PRKG1: variants seen among roughly 807,000 people sequenced by gnomAD.
PRKG1 encodes the protein protein kinase cGMP-dependent 1, also known as cGMP-dependent protein kinase 1.
PRKG1 carries 35 observed loss-of-function variants against 88.1 expected under a neutral mutation model. That is an observed-to-expected ratio of 0.40 (90% CI 0.30 to 0.53). PRKG1 has a LOEUF of 0.53. PRKG1 is among the 20% of genes least tolerant of loss of function. The pLI, the probability that PRKG1 is intolerant of heterozygous loss-of-function variation, is 0.59. For synonymous variants in PRKG1, 303 were observed against 292.5 expected (o/e 1.04, Z -0.37); for missense variants, 540 against 839.8 (o/e 0.64, Z 4.41).
intron 4 of PRKG1, among the ~76,000 whole-genome samples, chr10:51,834,575 A>G (rs2132760590): frequency 6.6e-6 from 1 of 152,024 alleles, no homozygotes; most frequent in East Asian, 1.9e-4. Context: ...CCAGAGATTG[A>G]GGCTGCAGTG....
intron 1 of PRKG1, among the ~76,000 whole-genome samples, chr10:51,151,889 T>C (rs1444204405): frequency 6.6e-6 from 1 of 152,042 alleles, no homozygotes; most frequent in Non-Finnish European, 1.5e-5. Context: ...AGACTAACGC[T>C]TTAGTCAGTG....
rs183510844 is a variant in PRKG1, at chr10:51,505,562, G to T, written c.592+37726G>T. Among the ~76,000 whole-genome samples the T allele has an allele frequency of 7.0e-3, 1,063 of 152,256 alleles. 16 individuals are homozygous for T. The highest frequency in any genetic ancestry group is 0.024 in the African/African-American group (1,009 of 41,558). On this transcript the variant is annotated intron_variant, in intron 3 of 17. Coordinates refer to ENST00000373980, the MANE Select transcript of PRKG1 (RefSeq NM_006258.4). Reference sequence around the variant, plus strand: ...GAAGGAATGGTACCAGCTCCTGCTTGTACCTCTGGTAGAATTCGGCTATGA... The same window carrying T: ...GAAGGAATGGTACCAGCTCCTGCTTTTACCTCTGGTAGAATTCGGCTATGA...
intron 1 of PRKG1, among the ~76,000 whole-genome samples, chr10:51,003,546 T>C (rs367793658): frequency 2.6e-4 from 39 of 152,368 alleles, no homozygotes; most frequent in East Asian, 2.3e-3. Context: ...TTGTGATACT[T>C]ATGAGCATAC....
intron 7 of PRKG1, among the ~76,000 whole-genome samples, chr10:52,097,229 A>G (rs2132558920): frequency 6.8e-6 from 1 of 146,652 alleles, no homozygotes. Flanking sequence ...CTAGTTAATA[A>G]CTCATTTTTG....
chr10:51,655,896 A>G (rs1840149332), intron 3 of PRKG1, among the ~76,000 whole-genome samples: 1 of 152,184 alleles, frequency 6.6e-6, no homozygotes, highest in Admixed American at 6.6e-5. Context: ...GAGTAAGAAC[A>G]GGTAAATACT....
chr10:52,290,305 C>A lies in PRKG1; in HGVS notation c.1962+15C>A. 6.3e-7 allele frequency: 1 copy of A among 1,588,908 alleles called. No homozygotes were observed. The highest frequency in any genetic ancestry group is 8.6e-7 in the Non-Finnish European group (1 of 1,159,736). On this transcript the variant is annotated intron_variant, in intron 17 of 17. Coordinates refer to ENST00000373980, the MANE Select transcript of PRKG1 (RefSeq NM_006258.4). The stretch of plus-strand genomic sequence containing the variant: ...TAATACCAAGTGTAAGTAGACTTTC[C>A]AGCTTATAATTGTGTGACATAATTG...
At chr10:52,250,827 T>C (rs1012199152) in intron 9 of PRKG1, among the ~76,000 whole-genome samples, 1 of 152,154 alleles carries the variant, frequency 6.6e-6, no homozygotes, top group Non-Finnish European at 1.5e-5. Context: ...CAGGTTTGCA[T>C]GTGTGCATAG....
At chr10:51,478,989 AC>A (rs990381965) in intron 3 of PRKG1, among the ~76,000 whole-genome samples, 1 of 152,002 alleles carries the variant, frequency 6.6e-6, no homozygotes, top group Non-Finnish European at 1.5e-5. Flanking sequence ...ATGTTTTGGG[AC>A]TCTGTTTAAA....
intron 2 of PRKG1, among the ~76,000 whole-genome samples, chr10:51,317,972 C>T (rs1021046567): frequency 2.0e-5 from 3 of 152,184 alleles, no homozygotes; most frequent in African/African-American, 7.2e-5. Context: ...ACATCTTCTG[C>T]AAAGCCTTCT....
chr10:51,476,220 C>T (rs994522824), intron 3 of PRKG1, among the ~76,000 whole-genome samples: 1 of 151,946 alleles, frequency 6.6e-6, no homozygotes, highest in Non-Finnish European at 1.5e-5. Flanking sequence ...CTGTAGAGAT[C>T]GGAGGCCTAC....
At chr10:51,072,023 C>G (rs960472126), upstream of PRKG1, among the ~76,000 whole-genome samples, 1 of 152,120 alleles carries the variant, frequency 6.6e-6, no homozygotes, top group African/African-American at 2.4e-5. Context: ...ATGGTGAACC[C>G]CGTCTCTACT....
intron 9 of PRKG1, among the ~76,000 whole-genome samples, chr10:52,203,916 C>CA (rs1839741542): frequency 6.6e-6 from 1 of 152,036 alleles, no homozygotes; most frequent in African/African-American, 2.4e-5. Context: ...AGAGTCATTG[C>CA]ATGTGAGATG....
chr10:51,578,911 T>C (rs1837955449), intron 3 of PRKG1, among the ~76,000 whole-genome samples: 1 of 151,836 alleles, frequency 6.6e-6, no homozygotes, highest in African/African-American at 2.4e-5. Context: ...TTGTGAACTT[T>C]TGTCTTAATT....
chr10:51,939,705 A>G (rs965874733), intron 5 of PRKG1, among the ~76,000 whole-genome samples: 2 of 151,768 alleles, frequency 1.3e-5, no homozygotes, highest in African/African-American at 4.8e-5. Flanking sequence ...GTCCTTAAAT[A>G]TGTTGAGTGG....
At chr10:51,912,981 T>C (rs1299864810) in intron 5 of PRKG1, among the ~76,000 whole-genome samples, 1 of 152,106 alleles carries the variant, frequency 6.6e-6, no homozygotes, top group African/African-American at 2.4e-5. Flanking sequence ...CAGGCTGGAG[T>C]GTAGTGGTGC....
At chr10:51,992,844 A>G (rs1350020259) in intron 5 of PRKG1, among the ~76,000 whole-genome samples, 3 of 152,206 alleles carry the variant, frequency 2.0e-5, no homozygotes, top group Non-Finnish European at 4.4e-5. Context: ...AATTATTTTC[A>G]TATCCAGTGT....
intron 17 of PRKG1, among the ~76,000 whole-genome samples, chr10:52,291,734 GCAGCATGATTTATA>G (rs1842252093): frequency 1.7e-5 from 2 of 116,184 alleles, no homozygotes; most frequent in African/African-American, 1.1e-4. Context: ...TGTCTTTATA[GCAGCATGATTTATA>G]GTCATTTGGG....
At chr10:51,453,004 T>C (rs780848913) in intron 2 of PRKG1, among the ~76,000 whole-genome samples, 3 of 151,954 alleles carry the variant, frequency 2.0e-5, no homozygotes, top group Non-Finnish European at 4.4e-5. Flanking sequence ...TCTATTTCTT[T>C]CTGGTTTAAT....
chr10:51,111,089 G>A (rs1266014203), intron 1 of PRKG1, among the ~76,000 whole-genome samples: 2 of 152,044 alleles, frequency 1.3e-5, no homozygotes, highest in Non-Finnish European at 2.9e-5. Context: ...TTCAGTTCTG[G>A]TGAAGTACAG....
Sources: allele counts gnomAD v4.1 joint callset (sites outside exome capture counted in the v4.1 genomes callset), GRCh38; gene constraint gnomAD v4.1.1; transcripts MANE v1.5; gene names NCBI Gene and HGNC (gene_info 2026-07-23, HGNC 2026-07-21).